MCTP2: variants seen among roughly 807,000 people sequenced by gnomAD.
MCTP2 encodes multiple C2 and transmembrane domain-containing protein 2.
Under a neutral mutation model 111.6 loss-of-function variants are expected in MCTP2, and 132 were observed. The ratio of observed to expected loss-of-function variants is 1.18; its 90% CI spans 1.03 to 1.37. The LOEUF is 1.37. MCTP2 is among the 40% of genes most tolerant of loss of function. The pLI, the probability that MCTP2 is intolerant of heterozygous loss-of-function variation, is 0.00. For missense variants in MCTP2, 1,183 were observed against 1,067.9 expected (o/e 1.11, Z -1.50); for synonymous variants, 395 against 387.7 (o/e 1.02, Z -0.22).
At chr15:94,376,675 T>A (rs2079790544) in intron 12 of MCTP2, among the ~76,000 whole-genome samples, 1 of 152,200 alleles carries the variant, frequency 6.6e-6, no homozygotes, top group South Asian at 2.1e-4. Flanking sequence ...TTTCCCTAAT[T>A]TTAGATCATG....
intron 17 of MCTP2, among the ~76,000 whole-genome samples, chr15:94,438,613 A>G (rs1280833187): frequency 1.3e-5 from 2 of 152,170 alleles, no homozygotes; most frequent in Non-Finnish European, 2.9e-5. Context: ...ATCTCAGAAG[A>G]TACTGAACGA....
chr15:94,364,223 GTC>G (rs1163315252), intron 10 of MCTP2, among the ~76,000 whole-genome samples: 1 of 151,848 alleles, frequency 6.6e-6, no homozygotes, highest in Non-Finnish European at 1.5e-5. Flanking sequence ...TGTTTACATT[GTC>G]TGTTACTGCT....
rs553482591 is a variant in MCTP2 at position 94,341,445 on chromosome 15, A to G, written c.969+521A>G. The G allele has an allele frequency of 2.0e-5, 3 of 152,432 alleles. No individual in the cohort carries two copies. In the South Asian group the frequency reaches 6.2e-4, roughly 32 times the overall value. 9.4% of individuals were successfully genotyped at this position (152,432 alleles called of 1,614,324 possible). Reference sequence around the variant, plus strand: ...TATAATTCTAAGGCTATATTAGAACAAAAGCATCTTTGATGATGACTTATT... The same window carrying G: ...TATAATTCTAAGGCTATATTAGAACGAAAGCATCTTTGATGATGACTTATT... On this transcript the variant is annotated intron_variant, in intron 7 of 22. Transcript: ENST00000357742.
rs79486399 is a variant in MCTP2 at position 94,387,235 on chromosome 15, C to A, written c.1788+1710C>A. Reference sequence around the variant, plus strand: ...TAATCAGGGTTTCTCAGTCTTGGCACTATTGATATTTGGGGCCAGGACATT... The same window carrying A: ...TAATCAGGGTTTCTCAGTCTTGGCAATATTGATATTTGGGGCCAGGACATT... On this transcript the variant is annotated intron_variant, in intron 14 of 22. Coordinates refer to ENST00000357742, the MANE Select transcript of MCTP2 (RefSeq NM_001385001.1). 8.3e-4 allele frequency among the ~76,000 whole-genome samples: 126 copies of A among 151,622 alleles called. 1 individual carries two copies. In the East Asian group the frequency reaches 0.022, roughly 27 times the overall value.
At chr15:94,240,283 C>T (rs2070851418) in intron 1 of MCTP2, among the ~76,000 whole-genome samples, 1 of 152,166 alleles carries the variant, frequency 6.6e-6, no homozygotes, top group African/African-American at 2.4e-5. Context: ...AACACTGAGA[C>T]TCAGTGAAAC....
intron 20 of MCTP2, among the ~76,000 whole-genome samples, chr15:94,469,200 A>G (rs1056861819): frequency 1.3e-5 from 2 of 152,190 alleles, no homozygotes; most frequent in South Asian, 2.1e-4. Context: ...GCACAAGGCA[A>G]TGAGGCTCTA....
intron 14 of MCTP2, among the ~76,000 whole-genome samples, chr15:94,390,104 A>ATGTATATATATGTATATATATATATATG: frequency 2.5e-5 from 1 of 40,116 alleles, no homozygotes; most frequent in East Asian, 3.9e-4. Context: ...ATATATATAT[A>ATGTATATATATGTATATATATATATATG]TATATATATG....
chr15:94,244,568 G>A (rs930927314), intron 1 of MCTP2, among the ~76,000 whole-genome samples: 2 of 144,948 alleles, frequency 1.4e-5, no homozygotes, highest in African/African-American at 2.6e-5. Context: ...GTTTATATAC[G>A]TATATGTATA....
chr15:94,401,813 A>G lies in MCTP2; in HGVS notation c.1966-87A>G, dbSNP rs887321913. The G allele has an allele frequency of 4.9e-6, 5 of 1,017,290 alleles. No individual in the cohort carries two copies. The African/African-American group carries it at 6.5e-5, about 13-fold the overall frequency. The allele number at this position is 1,017,290 out of a possible 1,614,324, so 63.0% of individuals were successfully genotyped here. A position where few individuals can be genotyped will look rare whatever the true frequency, so the allele number is the denominator to read the frequency against. On this transcript the variant is annotated intron_variant, in intron 16 of 22. Transcript: ENST00000357742. ...TTTAAAATTGGGATCTATACAAAAT[A>G]TAATTTAAATGATCAGGGTACCTGA...
chr15:94,295,104 A>G (rs1265788872), intron 1 of MCTP2, among the ~76,000 whole-genome samples: 1 of 151,074 alleles, frequency 6.6e-6, no homozygotes, highest in Non-Finnish European at 1.5e-5. Flanking sequence ...ATGAACCACC[A>G]TACCTGGCTA....
rs568724269 is a variant in MCTP2, at chr15:94,295,640, T to C, written c.-65-2561T>C. 1.2e-4 allele frequency among the ~76,000 whole-genome samples: 19 copies of C among 152,356 alleles called. No individual in the cohort carries two copies. In the East Asian group the frequency reaches 3.3e-3, roughly 26 times the overall value. On this transcript the variant is annotated intron_variant, in intron 1 of 22. Transcript: ENST00000357742. ...GTACTGGCCACCTTCTCCATTTTTATGTTTTCCATATATATTACTTTCTTT... is the reference window on the plus strand; with the variant it reads ...GTACTGGCCACCTTCTCCATTTTTACGTTTTCCATATATATTACTTTCTTT...
At position 94,400,433 on chromosome 15, in the gene MCTP2, G is replaced by A. The variant is rs189018282; in HGVS notation, c.1965+438G>A. 1.3e-3 allele frequency among the ~76,000 whole-genome samples: 201 copies of A among 152,132 alleles called. 1 individual carries two copies. Among genetic ancestry groups the A allele is most frequent in the Non-Finnish European group, 1.9e-3 (132 of 67,992 alleles). On this transcript the variant is annotated intron_variant, in intron 16 of 22. Transcript: ENST00000357742. ...AGATCTTCAGAGACTTCTAGCCTGG[G>A]TTTCGCTCATGACTGCTCCTACCAC...
At chr15:94,403,394 T>A (rs1236741147) in intron 17 of MCTP2, 1 of 278,262 alleles carries the variant, frequency 3.6e-6, no homozygotes, top group Non-Finnish European at 5.4e-6. Flanking sequence ...CTTTCAAAAC[T>A]TTCCATGGAA....
At chr15:94,273,197 A>C (rs904830858) in intron 1 of MCTP2, among the ~76,000 whole-genome samples, 4 of 152,228 alleles carry the variant, frequency 2.6e-5, no homozygotes, top group African/African-American at 4.8e-5. Flanking sequence ...AAGATGAACA[A>C]ATCAAAAGCA....
chr15:94,354,456 A>G (rs372538194), intron 8 of MCTP2, among the ~76,000 whole-genome samples: 46 of 152,236 alleles, frequency 3.0e-4, no homozygotes, highest in African/African-American at 1.0e-3. Flanking sequence ...TGATGGCTTT[A>G]TAAGGGGATC....
chr15:94,379,063 G>T (rs539482582), intron 12 of MCTP2, among the ~76,000 whole-genome samples: 1,593 of 150,770 alleles, frequency 0.011, 28 homozygotes, highest in African/African-American at 0.035. Flanking sequence ...TTAGTTTTTT[G>T]TTTTTTGTTT....
chr15:94,317,015 ATCTTCAGCTTGC>A (rs1256631478), intron 4 of MCTP2, among the ~76,000 whole-genome samples: 1 of 151,758 alleles, frequency 6.6e-6, no homozygotes, highest in African/African-American at 2.4e-5. Context: ...CTTCAGCTTG[ATCTTCAGCTTGC>A]TCATTTTCTT....
At chr15:94,297,985 G>T (rs1371291489) in intron 1 of MCTP2, among the ~76,000 whole-genome samples, 1 of 151,464 alleles carries the variant, frequency 6.6e-6, no homozygotes, top group Non-Finnish European at 1.5e-5. Context: ...TGTTTCTACA[G>T]TTGCTCTGAT....
At chr15:94,256,546 C>T (rs918644551) in intron 1 of MCTP2, among the ~76,000 whole-genome samples, 3 of 152,166 alleles carry the variant, frequency 2.0e-5, no homozygotes, top group Admixed American at 2.0e-4. Flanking sequence ...AGCTGCAAAA[C>T]TTTGCATGAT....
Sources: gnomAD v4.1 joint callset for allele counts (sites outside exome capture counted in the v4.1 genomes callset) on GRCh38, gnomAD v4.1.1 for gene constraint, MANE v1.5 for transcripts, NCBI Gene and HGNC (gene_info 2026-07-23, HGNC 2026-07-21) for gene names.